The following WDR70 variants were observed in gnomAD, a reference collection of about 807,000 sequenced individuals.
WDR70 encodes WD repeat domain 70.
A neutral mutation model predicts 88.6 loss-of-function variants in WDR70; 53 were observed. The ratio of observed to expected loss-of-function variants is 0.60; its 90% CI spans 0.48 to 0.75. WDR70 has a LOEUF of 0.75. WDR70 is among the 30% of genes least tolerant of loss of function. The probability of loss-of-function intolerance (pLI) is 0.00; values close to 1 mark genes in which losing one functional copy is unlikely to be tolerated. For synonymous variants in WDR70, 280 were observed against 270.0 expected (o/e 1.04, Z -0.36); for missense variants, 610 against 823.2 (o/e 0.74, Z 3.17).
chr5:37,620,718 A>C (rs958094083), intron 10 of WDR70, among the ~76,000 whole-genome samples: 13 of 152,206 alleles, frequency 8.5e-5, no homozygotes, highest in African/African-American at 3.1e-4. Context: ...AGAGTTTGAA[A>C]AAACACTTCT....
intron 5 of WDR70, among the ~76,000 whole-genome samples, chr5:37,399,400 A>G (rs541953657): frequency 1.5e-4 from 23 of 152,346 alleles, no homozygotes; most frequent in African/African-American, 4.8e-4. Flanking sequence ...TAGCCTGGCA[A>G]CAGAGCAAGA....
intron 17 of WDR70, among the ~76,000 whole-genome samples, chr5:37,744,960 A>T (rs991870331): frequency 6.6e-6 from 1 of 152,150 alleles, no homozygotes; most frequent in African/African-American, 2.4e-5. Context: ...CCAAGAGAAG[A>T]TCAACCCCAA....
rs1395441193 is a variant in WDR70, at chr5:37,480,125, G to C, written c.840+138G>C. On this transcript the variant is annotated intron_variant, in intron 8 of 17. Coordinates refer to ENST00000265107, the MANE Select transcript of WDR70 (RefSeq NM_018034.4). ...AATTTATTTGTTCTCACAATCATGT[G>C]GATTGATTGGGTGGTTCTGCTTCAT... 1.3e-5 allele frequency: 14 copies of C among 1,104,508 alleles called. No individual in the cohort carries two copies. The South Asian group carries it at 2.3e-4, about 18-fold the overall frequency. The allele number at this position is 1,104,508 out of a possible 1,614,324, so 68.4% of individuals were successfully genotyped here. A position where few individuals can be genotyped will look rare whatever the true frequency, so the allele number is the denominator to read the frequency against.
At chr5:37,550,559 C>T (rs7727291) in intron 9 of WDR70, among the ~76,000 whole-genome samples, 7,358 of 152,238 alleles carry the variant, frequency 0.048, 577 homozygotes, top group African/African-American at 0.16. Context: ...ATAGCTACTC[C>T]TGCTCTTTTT....
intron 9 of WDR70, among the ~76,000 whole-genome samples, chr5:37,537,185 C>T (rs1233283487): frequency 2.0e-5 from 3 of 151,986 alleles, no homozygotes; most frequent in Non-Finnish European, 2.9e-5. Flanking sequence ...TAGCAGTAAG[C>T]GGAAGCAGTT....
At chr5:37,732,562 TTG>T (rs917165293) in intron 17 of WDR70, among the ~76,000 whole-genome samples, 6 of 152,226 alleles carry the variant, frequency 3.9e-5, no homozygotes, top group African/African-American at 1.4e-4. Flanking sequence ...AATGTATAAT[TTG>T]TGGTTTTCAC....
chr5:37,440,744 G>C (rs1392020903), intron 6 of WDR70, among the ~76,000 whole-genome samples: 1 of 152,204 alleles, frequency 6.6e-6, no homozygotes, highest in Non-Finnish European at 1.5e-5. Flanking sequence ...TGATACTTCA[G>C]TGAATGGTAG....
Position 37,443,392 on chromosome 5 carries a change from A to G in WDR70, c.686+20A>G, listed in dbSNP as rs191778579. 3 of 1,612,554 alleles carry G rather than the reference A, an allele frequency of 1.9e-6. No homozygotes were observed. Among genetic ancestry groups the G allele is most frequent in the African/African-American group, 2.7e-5 (2 of 74,866 alleles). On this transcript the variant is annotated intron_variant, in intron 7 of 17. Coordinates refer to ENST00000265107, the MANE Select transcript of WDR70 (RefSeq NM_018034.4). ...TGAGTGGTATGTATTCACTTACTTA[A>G]TATCTTCATATTTGACCTAATGTCT... is the stretch of plus-strand genomic sequence containing the variant.
chr5:37,726,006 C>G (rs1747959721), intron 16 of WDR70, among the ~76,000 whole-genome samples: 2 of 152,052 alleles, frequency 1.3e-5, no homozygotes, highest in Admixed American at 1.3e-4. Context: ...CAATCCTGTC[C>G]CCAAATACCC....
intron 9 of WDR70, among the ~76,000 whole-genome samples, chr5:37,590,808 T>C (rs1743510910): frequency 6.6e-6 from 1 of 151,984 alleles, no homozygotes; most frequent in South Asian, 2.1e-4. Context: ...TTCAGACTTC[T>C]GGAAAAACAT....
chr5:37,615,912 T>G (rs1266132176), intron 10 of WDR70, among the ~76,000 whole-genome samples: 1 of 152,200 alleles, frequency 6.6e-6, no homozygotes, highest in East Asian at 1.9e-4. Context: ...CTCATCACCT[T>G]TAACTTGTGA....
chr5:37,733,927 G>GAT (rs1748227080), intron 17 of WDR70, among the ~76,000 whole-genome samples: 1 of 151,840 alleles, frequency 6.6e-6, no homozygotes, highest in Non-Finnish European at 1.5e-5. Flanking sequence ...GTTGTAAGTA[G>GAT]AGTCTTTTCT....
intron 3 of WDR70, 40 bp from the exon 4 acceptor site, chr5:37,391,960 C>T (rs368218344): frequency 8.8e-5 from 138 of 1,575,492 alleles, no homozygotes; most frequent in Non-Finnish European, 1.2e-4. Flanking sequence ...GAATTGTAAC[C>T]GTTGGGATTT....
chr5:37,747,116 A>G (rs899251003), intron 17 of WDR70, among the ~76,000 whole-genome samples: 2 of 152,224 alleles, frequency 1.3e-5, no homozygotes, highest in Non-Finnish European at 2.9e-5. Flanking sequence ...CTGGTTCAAC[A>G]TACGTAAATC....
At chr5:37,620,863 A>G (rs1278772499) in intron 10 of WDR70, among the ~76,000 whole-genome samples, 1 of 152,196 alleles carries the variant, frequency 6.6e-6, no homozygotes. Flanking sequence ...GAAAACAGAA[A>G]AAATGGTTTG....
At position 37,670,658 on chromosome 5, in the gene WDR70, A is replaced by G. The variant is rs184237442; in HGVS notation, c.1093-26997A>G. ...GACCTTGGAATCACAAGTAATTGTGACTACTTGTAAGTGGAAGAGCCAAGA... is the reference window on the plus strand; with the variant it reads ...GACCTTGGAATCACAAGTAATTGTGGCTACTTGTAAGTGGAAGAGCCAAGA... On this transcript the variant is annotated intron_variant, in intron 10 of 17. Coordinates refer to ENST00000265107, the MANE Select transcript of WDR70 (RefSeq NM_018034.4). 2.8e-3 allele frequency among the ~76,000 whole-genome samples: 428 copies of G among 152,302 alleles called. 1 individual carries two copies. Among genetic ancestry groups the G allele is most frequent in the South Asian group, 9.5e-3 (46 of 4,824 alleles).
chr5:37,528,370 A>C (rs1005344856), intron 9 of WDR70, among the ~76,000 whole-genome samples: 12 of 152,204 alleles, frequency 7.9e-5, no homozygotes, highest in African/African-American at 2.9e-4. Flanking sequence ...TCAGCAAACT[A>C]TCACAAGGAC....
chr5:37,567,556 A>AC (rs1271508485), intron 9 of WDR70, among the ~76,000 whole-genome samples: 2 of 151,962 alleles, frequency 1.3e-5, no homozygotes, highest in Non-Finnish European at 2.9e-5. Flanking sequence ...TCCATGAGCA[A>AC]CCCCCCAAAG....
Position 37,673,706 on chromosome 5 carries a change from C to A in WDR70, c.1093-23949C>A, listed in dbSNP as rs143076622. ...CATGGTTATTGGCTGCACAGATCAT[C>A]CCAACACACAGATACTAAGTCCAGT... On this transcript the variant is annotated intron_variant, in intron 10 of 17. Transcript: ENST00000265107. Among the ~76,000 whole-genome samples, 1,231 of 150,456 alleles carry A rather than the reference C, an allele frequency of 8.2e-3. 15 individuals carry two copies. Among genetic ancestry groups the A allele is most frequent in the African/African-American group, 0.028 (1,140 of 40,946 alleles).
Sources: gnomAD v4.1 joint callset for allele counts (sites outside exome capture counted in the v4.1 genomes callset) on GRCh38, gnomAD v4.1.1 for gene constraint, MANE v1.5 for transcripts, NCBI Gene and HGNC (gene_info 2026-07-23, HGNC 2026-07-21) for gene names.